Variants in TANGO6 observed in about 807,000 individuals in gnomAD.
TANGO6 encodes the protein transport and Golgi organization protein 6 homolog.
In TANGO6, 90 loss-of-function variants were observed where a neutral mutation model predicts 114.2. The ratio of observed to expected loss-of-function variants is 0.79; its 90% CI spans 0.66 to 0.94. TANGO6 has a LOEUF of 0.94. TANGO6 is among the 40% of genes least tolerant of loss of function. TANGO6 has a pLI of 0.00. For synonymous variants in TANGO6, 477 were observed against 509.8 expected, an observed-to-expected ratio of 0.94 and a Z score of 0.87; for missense variants, 1,274 against 1,315.3, an observed-to-expected ratio of 0.97 and a Z score of 0.49.
At chr16:68,859,327 T>C (rs914090331) in intron 1 of TANGO6, among the ~76,000 whole-genome samples, 1 of 152,138 alleles carries the variant, frequency 6.6e-6, no homozygotes, top group East Asian at 1.9e-4. Context: ...CTCACCACCA[T>C]AGCCAGCTGA....
At chr16:69,040,857 G>A (rs974548213) in intron 17 of TANGO6, among the ~76,000 whole-genome samples, 1 of 152,078 alleles carries the variant, frequency 6.6e-6, no homozygotes, top group Non-Finnish European at 1.5e-5. Flanking sequence ...CATGTTAGGT[G>A]CTGCATAAAT....
intron 17 of TANGO6, among the ~76,000 whole-genome samples, chr16:69,048,330 G>C (rs1959895251): frequency 7.2e-6 from 1 of 138,234 alleles, no homozygotes; most frequent in Non-Finnish European, 1.5e-5. Context: ...TCAAACTCCT[G>C]ACCTCAAGCA....
chr16:68,968,618 G>T (rs1963670425), intron 14 of TANGO6, among the ~76,000 whole-genome samples: 1 of 151,390 alleles, frequency 6.6e-6, no homozygotes, highest in African/African-American at 2.4e-5. Context: ...ACCCGCCTCG[G>T]CCTCTCAAAG....
intron 12 of TANGO6, among the ~76,000 whole-genome samples, chr16:68,925,894 TAAA>T (rs373147736): frequency 4.3e-5 from 6 of 138,780 alleles, no homozygotes; most frequent in Non-Finnish European, 1.6e-5. Context: ...TTGTTCCAAT[TAAA>T]AAAAAAAAAA....
chr16:69,004,831 C>A (rs1964078399), intron 15 of TANGO6, among the ~76,000 whole-genome samples: 1 of 152,174 alleles, frequency 6.6e-6, no homozygotes, highest in African/African-American at 2.4e-5. Flanking sequence ...GTCTTTCTAT[C>A]CGGTTGTCTC....
intron 17 of TANGO6, among the ~76,000 whole-genome samples, chr16:69,073,694 C>T (rs1452492016): frequency 6.6e-6 from 1 of 152,154 alleles, no homozygotes. Context: ...TGGTGGCTCA[C>T]GCCTGTAATC....
intron 15 of TANGO6, among the ~76,000 whole-genome samples, chr16:69,014,020 T>C (rs1217715208): frequency 6.6e-6 from 1 of 152,132 alleles, no homozygotes; most frequent in African/African-American, 2.4e-5. Context: ...AGACATAGGA[T>C]TGACATTGAG....
intron 1 of TANGO6, among the ~76,000 whole-genome samples, chr16:68,851,970 ACTGT>A (rs1260497243): frequency 4.6e-5 from 7 of 152,126 alleles, no homozygotes; most frequent in South Asian, 2.1e-4. Context: ...TTTCCTATAA[ACTGT>A]CTGTATCTTT....
chr16:68,935,831 G>A (rs1247328556), intron 14 of TANGO6, among the ~76,000 whole-genome samples: 1 of 152,152 alleles, frequency 6.6e-6, no homozygotes, highest in African/African-American at 2.4e-5. Flanking sequence ...CAACAAGAAT[G>A]AAGTATATAA....
Position 68,869,333 on chromosome 16 carries a change from C to G in TANGO6, c.994+2113C>G, listed in dbSNP as rs1256513158. Among the ~76,000 whole-genome samples, 3 of 152,180 alleles carry G rather than the reference C, an allele frequency of 2.0e-5. No individual in the cohort carries two copies. In the East Asian group the frequency reaches 5.8e-4, roughly 29 times the overall value. On this transcript the variant is annotated intron_variant, in intron 4 of 17. Transcript: ENST00000261778. Reference sequence around the variant, plus strand: ...TCTCTACCAAAAATACAAAAATTAGCTGGGTGTGGTGGTGCGCACCTATGG... The same window carrying G: ...TCTCTACCAAAAATACAAAAATTAGGTGGGTGTGGTGGTGCGCACCTATGG...
intron 12 of TANGO6, among the ~76,000 whole-genome samples, chr16:68,921,122 A>G (rs1020980121): frequency 4.0e-5 from 6 of 150,154 alleles, no homozygotes; most frequent in African/African-American, 1.5e-4. Flanking sequence ...CTGTCTCAAA[A>G]AAAAAAAAAA....
Position 68,875,288 on chromosome 16 carries a change from C to T in TANGO6, c.1129C>T (p.Gln377Ter), listed in dbSNP as rs1163260258. ...GAATTACTACAGGGACATCTGCCCC[C>T]AGGTAAATCTTTTTGTTTCTATTGA... ...PENYYRDICP[Q>*]VLDLFHFQDK... The change falls in exon 5 of 18, where the codon CAG (glutamine) becomes TAG (stop). Residue 377 changes from glutamine (Q) to a stop codon, truncating the protein, a stop_gained and splice_region_variant. Transcript: ENST00000261778. LOFTEE classifies it high-confidence loss of function. 6.2e-7 allele frequency: 1 copy of T among 1,611,824 alleles called. No homozygotes were observed. The highest frequency in any genetic ancestry group is 1.1e-5 in the South Asian group (1 of 90,786).
chr16:68,855,987 G>A (rs1482647628), intron 1 of TANGO6, among the ~76,000 whole-genome samples: 1 of 151,448 alleles, frequency 6.6e-6, no homozygotes, highest in African/African-American at 2.4e-5. Context: ...TGTATTCTGT[G>A]AACTTGCTAA....
At chr16:69,043,207 CAGAG>C (rs949162525) in intron 17 of TANGO6, among the ~76,000 whole-genome samples, 6 of 151,676 alleles carry the variant, frequency 4.0e-5, no homozygotes, top group Admixed American at 2.6e-4. Context: ...GTCTGGGCGA[CAGAG>C]AGAGACTCTG....
At chr16:68,980,254 G>T in intron 15 of TANGO6, among the ~76,000 whole-genome samples, 1 of 150,444 alleles carries the variant, frequency 6.6e-6, no homozygotes, top group Non-Finnish European at 1.5e-5. Context: ...TTTTCATTTT[G>T]TTTTTGACAC....
chr16:69,083,702 C>A lies in TANGO6; in HGVS notation c.*41C>A. The A allele has an allele frequency of 6.5e-7, 1 of 1,535,388 alleles. No individual in the cohort carries two copies. On this transcript the variant is annotated 3_prime_UTR_variant, in exon 18 of 18. Transcript: ENST00000261778. ...CGTGGAGGAGGCAGGCAGGGCCAGG[C>A]ACCCAGAGCCGTGCCCAGGTCTTCC...
At chr16:68,866,592 C>T (rs1025349702) in intron 3 of TANGO6, among the ~76,000 whole-genome samples, 2 of 147,194 alleles carry the variant, frequency 1.4e-5, no homozygotes, top group Non-Finnish European at 3.0e-5. Flanking sequence ...CACTGCAGTC[C>T]GCAGTCCGGC....
chr16:69,082,314 G>A (rs906995584), intron 17 of TANGO6, among the ~76,000 whole-genome samples: 5 of 151,884 alleles, frequency 3.3e-5, no homozygotes, highest in African/African-American at 1.2e-4. Flanking sequence ...ATGTTGGCCA[G>A]GCTGGTCACT....
intron 14 of TANGO6, among the ~76,000 whole-genome samples, chr16:68,942,270 C>T (rs1450424310): frequency 6.6e-6 from 1 of 151,224 alleles, no homozygotes; most frequent in African/African-American, 2.4e-5. Flanking sequence ...TGCATTGAGC[C>T]GAGATCATGC....
Sources: allele counts gnomAD v4.1 joint callset (sites outside exome capture counted in the v4.1 genomes callset), GRCh38; gene constraint gnomAD v4.1.1; transcripts MANE v1.5; gene names NCBI Gene and HGNC (gene_info 2026-07-23, HGNC 2026-07-21).